BRIP1: variants seen among roughly 807,000 people sequenced by gnomAD.
BRIP1 encodes Fanconi anemia group J protein.
A neutral mutation model predicts 119.7 loss-of-function variants in BRIP1; 88 were observed. The ratio of observed to expected loss-of-function variants is 0.74; its 90% CI spans 0.62 to 0.88. The LOEUF (loss-of-function observed/expected upper bound fraction) is 0.88. Ranked by LOEUF, BRIP1 falls within the 40% of genes least tolerant of loss-of-function variation. BRIP1 has a pLI of 0.00. For synonymous variants in BRIP1, 443 were observed against 496.5 expected (o/e 0.89, Z 1.43); for missense variants, 1,259 against 1,455.4 (o/e 0.87, Z 2.20).
chr17:61,683,025 A>G lies in BRIP1; in HGVS notation c.*271T>C, dbSNP rs1038683081. Reference sequence around the variant, plus strand: ...TGCACACCTGTAGTCCCAGCTACTCAGAAGGCTGAGGCAGGAGAATCACTT... The same window carrying G: ...TGCACACCTGTAGTCCCAGCTACTCGGAAGGCTGAGGCAGGAGAATCACTT... On this transcript the variant is annotated 3_prime_UTR_variant, in exon 20 of 20. Coordinates refer to ENST00000259008, the MANE Select transcript of BRIP1 (RefSeq NM_032043.3). The surrounding 1 kb of genome is among the most constrained non-coding windows in gnomAD (Gnocchi z 4.7). 2.4e-6 allele frequency: 1 copy of G among 410,534 alleles called. No homozygotes were observed. Among genetic ancestry groups the G allele is most frequent in the African/African-American group, 2.0e-5 (1 of 49,056 alleles). The allele number at this position is 410,534 out of a possible 1,614,324, so 25.4% of individuals were successfully genotyped here. A position where few individuals can be genotyped will look rare whatever the true frequency, so the allele number is the denominator to read the frequency against.
intron 4 of BRIP1, among the ~76,000 whole-genome samples, chr17:61,855,310 G>A (rs915726094): frequency 9.9e-5 from 15 of 152,150 alleles, no homozygotes; most frequent in East Asian, 5.8e-4. Context: ...GGGCGTGGTC[G>A]CTCACGCCTA....
intron 4 of BRIP1, among the ~76,000 whole-genome samples, chr17:61,850,835 A>G (rs897480589): frequency 6.6e-6 from 1 of 151,856 alleles, no homozygotes; most frequent in Admixed American, 6.6e-5. Context: ...TCTCCAAAAA[A>G]AAAAGAAAGC....
rs550687585 is a variant in BRIP1 at position 61,776,173 on chromosome 17, C to T, written c.2097+228G>A. The T allele has an allele frequency of 1.8e-5, 9 of 510,174 alleles. No homozygotes were observed. Among genetic ancestry groups the T allele is most frequent in the Admixed American group, 9.8e-5 (3 of 30,624 alleles). 31.6% of individuals were successfully genotyped at this position (510,174 alleles called of 1,614,324 possible). A position where few individuals can be genotyped will look rare whatever the true frequency, so the allele number is the denominator to read the frequency against. On this transcript the variant is annotated intron_variant, in intron 14 of 19. Transcript: ENST00000259008. The surrounding 1 kb of genome is among the most constrained non-coding windows in gnomAD (Gnocchi z 5.0). Reference sequence around the variant, plus strand: ...CTGGGATTACAAGCATGAGCCACCACGTCCAGCCTTGCTCTTTCAGACTTT... The same window carrying T: ...CTGGGATTACAAGCATGAGCCACCATGTCCAGCCTTGCTCTTTCAGACTTT...
rs1603297449 is a variant in BRIP1, at chr17:61,725,260, A to C, written c.2380-9197T>G. Among the ~76,000 whole-genome samples, 2 of 152,198 alleles carry C rather than the reference A, an allele frequency of 1.3e-5. No individual in the cohort carries two copies. The highest frequency in any genetic ancestry group is 2.9e-5 in the Non-Finnish European group (2 of 68,020). On this transcript the variant is annotated intron_variant, in intron 16 of 19. Transcript: ENST00000259008. The surrounding 1 kb of genome is among the most constrained non-coding windows in gnomAD (Gnocchi z 5.3). ...TAAAAGCACATTAGAAATGGTTTTT[A>C]GTTGTTACTTACTTTCCCTGTTACG...
chr17:61,689,407 T>TG lies in BRIP1; in HGVS notation c.2576-3243dup, dbSNP rs2061414431. On this transcript the variant is annotated intron_variant, in intron 18 of 19. Coordinates refer to ENST00000259008, the MANE Select transcript of BRIP1 (RefSeq NM_032043.3). This position sits in a 1 kb window ranked among gnomAD's most constrained non-coding sequence, Gnocchi z 4.5. ...ATGGAAAAAAAAAAGTGAAGGCTTA[T>TG]GGCTTCATTTATGACTTGACTTATG... Among the ~76,000 whole-genome samples the TG allele has an allele frequency of 1.3e-5, 2 of 152,094 alleles. No individual in the cohort carries two copies. Among genetic ancestry groups the TG allele is most frequent in the Admixed American group, 1.3e-4 (2 of 15,268 alleles).
In BRIP1 at chr17:61,693,375, A is replaced by G. The variant is rs1241371636; in HGVS notation, c.2575+55T>C. ...CTCATGTTATGTGTTTTTCACCACA[A>G]TAAAAATATGAAGATTGTTACTAGT... On this transcript the variant is annotated intron_variant, in intron 18 of 19. Transcript: ENST00000259008. This position sits in a 1 kb window ranked among gnomAD's most constrained non-coding sequence, Gnocchi z 4.2. 2.0e-6 allele frequency: 3 copies of G among 1,469,216 alleles called. No individual in the cohort carries two copies. The highest frequency in any genetic ancestry group is 1.4e-5 in the African/African-American group (1 of 71,794). The allele number at this position is 1,469,216 out of a possible 1,614,324, so 91.0% of individuals were successfully genotyped here. A position where few individuals can be genotyped will look rare whatever the true frequency, so the allele number is the denominator to read the frequency against.
Position 61,799,185 on chromosome 17 carries a change from G to T in BRIP1, c.1255C>A (p.Arg419=), listed in dbSNP as rs150624408. 2 of 1,613,484 alleles carry T rather than the reference G, an allele frequency of 1.2e-6. No homozygotes were observed. The highest frequency in any genetic ancestry group is 1.1e-5 in the South Asian group (1 of 91,052). The change falls in exon 9 of 20, where the codon CGG becomes AGG. Residue 419 remains arginine (R), a synonymous_variant. Transcript: ENST00000259008. The surrounding 1 kb of genome is among the most constrained non-coding windows in gnomAD (Gnocchi z 5.1). ...TTGACCATACTATCTAGTTCATCCC[G>T]AGCAAACCGAAGCTGAACTTCTGTT... The part of the protein sequence containing the change: ...SVTEVQLRFA[R]DELDSMVNNN...
In BRIP1 at chr17:61,823,818, C is replaced by G; in HGVS notation, c.628-15061G>C. Among the ~76,000 whole-genome samples the G allele has an allele frequency of 6.7e-6, 1 of 149,842 alleles. No individual in the cohort carries two copies. Among genetic ancestry groups the G allele is most frequent in the East Asian group, 2.0e-4 (1 of 4,958 alleles). On this transcript the variant is annotated intron_variant, in intron 6 of 19. Transcript: ENST00000259008. This position sits in a 1 kb window ranked among gnomAD's most constrained non-coding sequence, Gnocchi z 4.8. The stretch of plus-strand genomic sequence containing the variant: ...CACACCTTAGTTGAATTGCTGAAAG[C>G]AGAGATAAAAATAGAATTTTTTTTT...
At chr17:61,854,839 G>A (rs548768583) in intron 4 of BRIP1, among the ~76,000 whole-genome samples, 1 of 152,110 alleles carries the variant, frequency 6.6e-6, no homozygotes, top group Admixed American at 6.5e-5. Context: ...CACAGTATCT[G>A]TCTTTGTAAT....
intron 2 of BRIP1, 61 bp from the exon 3 acceptor site, chr17:61,859,968 A>T (rs1317730646): frequency 1.3e-5 from 15 of 1,185,498 alleles, no homozygotes; most frequent in Non-Finnish European, 1.8e-5. Context: ...GTCTCTCTCC[A>T]TCTGAAGTTT....
intron 9 of BRIP1, among the ~76,000 whole-genome samples, chr17:61,797,633 A>G (rs2077921860): frequency 6.6e-6 from 1 of 152,088 alleles, no homozygotes; most frequent in African/African-American, 2.4e-5. Context: ...AAACACCACC[A>G]GAAAAGACAC....
In BRIP1 at chr17:61,685,753, A is replaced by T. The variant is rs4988357; in HGVS notation, c.2905+83T>A. 0.34 allele frequency: 420,804 copies of T among 1,235,928 alleles called. 73,583 individuals carry two copies. Among genetic ancestry groups the T allele is most frequent in the East Asian group, 0.47 (20,158 of 42,860 alleles). The allele number at this position is 1,235,928 out of a possible 1,614,324, so 76.6% of individuals were successfully genotyped here. On this transcript the variant is annotated intron_variant, in intron 19 of 19. Transcript: ENST00000259008. ...TACAAACCACCATATTTAAGGAATT[A>T]ATCTATACCCAAATAAATATCATTT... is the stretch of plus-strand genomic sequence containing the variant.
chr17:61,683,682 C>G lies in BRIP1; in HGVS notation c.3364G>C (p.Glu1122Gln). 1 of 1,613,806 alleles carries G rather than the reference C, an allele frequency of 6.2e-7. No homozygotes were observed. Among genetic ancestry groups the G allele is most frequent in the Non-Finnish European group, 8.5e-7 (1 of 1,180,002 alleles). Residue 1122 changes from glutamate (E) to glutamine (Q), a missense_variant, in exon 20 of 20, where the codon GAA becomes CAA. Transcript: ENST00000259008. This position sits in a 1 kb window ranked among gnomAD's most constrained non-coding sequence, Gnocchi z 4.7. Reference sequence around the variant, plus strand: ...ATAGATTCATCTTCTGCTTCTGTTTCAAAATCTCTATTTGAAGTGGACTGT... The same window carrying G: ...ATAGATTCATCTTCTGCTTCTGTTTGAAAATCTCTATTTGAAGTGGACTGT... ...DKQSTSNRDF[E>Q]TEAEDESIYF...
At position 61,743,050 on chromosome 17, in the gene BRIP1, G is replaced by A. The variant is rs1555590382; in HGVS notation, c.2342C>T (p.Thr781Ile). Residue 781 changes from threonine to isoleucine, a missense_variant, in exon 16 of 20, where the codon ACA becomes ATA. Physicochemically the swap from Thr to Ile is moderately conservative, Grantham distance 89 (BLOSUM62 -1). Around this residue, in one of 3 missense-constraint regions of BRIP1, gnomAD observed 753 missense variants for 891.8 expected, o/e 0.84. Coordinates refer to ENST00000259008, the MANE Select transcript of BRIP1 (RefSeq NM_032043.3). The surrounding 1 kb of genome is among the most constrained non-coding windows in gnomAD (Gnocchi z 4.3). ...FSDDNARAVITIGIPFPNVKD... is the reference protein window; with the variant it reads ...FSDDNARAVIIIGIPFPNVKD... The stretch of plus-strand genomic sequence containing the variant: ...CACATTTGGAAAAGGAATTCCTATT[G>A]TTATGACAGCACGGGCATTGTCATC... 1 of 1,613,946 alleles carries A rather than the reference G, an allele frequency of 6.2e-7. No individual in the cohort carries two copies. Among genetic ancestry groups the A allele is most frequent in the Non-Finnish European group, 8.5e-7 (1 of 1,179,898 alleles).
chr17:61,793,802 C>T lies in BRIP1; in HGVS notation c.1341-73G>A, dbSNP rs905314292. 29 of 1,478,076 alleles carry T rather than the reference C, an allele frequency of 2.0e-5. No homozygotes were observed. The African/African-American group carries it at 3.6e-4, about 18-fold the overall frequency. 91.6% of individuals were successfully genotyped at this position (1,478,076 alleles called of 1,614,324 possible). A position where few individuals can be genotyped will look rare whatever the true frequency, so the allele number is the denominator to read the frequency against. Reference sequence around the variant, plus strand: ...CACTATTTCAGCAGAACAAGAGAATCATCATTATTGTCATGCGTTGATCTG... The same window carrying T: ...CACTATTTCAGCAGAACAAGAGAATTATCATTATTGTCATGCGTTGATCTG... On this transcript the variant is annotated intron_variant, in intron 9 of 19. Coordinates refer to ENST00000259008, the MANE Select transcript of BRIP1 (RefSeq NM_032043.3). This position sits in a 1 kb window ranked among gnomAD's most constrained non-coding sequence, Gnocchi z 5.2.
rs1381777648 is a variant in BRIP1, at chr17:61,684,171, T to C, written c.2906-31A>G. 5.0e-6 allele frequency: 8 copies of C among 1,607,794 alleles called. No homozygotes were observed. The highest frequency in any genetic ancestry group is 1.3e-5 in the African/African-American group (1 of 74,716). On this transcript the variant is annotated intron_variant, in intron 19 of 19. Transcript: ENST00000259008. The surrounding 1 kb of genome is among the most constrained non-coding windows in gnomAD (Gnocchi z 4.5). The stretch of plus-strand genomic sequence containing the variant: ...AATACAAGAATTTAAGAGATTTAAC[T>C]TTCTGCTCCTAGCTAACATAATTGC...
chr17:61,811,208 CT>C (rs1194872665), intron 6 of BRIP1, among the ~76,000 whole-genome samples: 1 of 151,878 alleles, frequency 6.6e-6, no homozygotes, highest in Non-Finnish European at 1.5e-5. Flanking sequence ...AGATGGTTTT[CT>C]TTTTTTGTTT....
rs1335156504 is a variant in BRIP1 at position 61,751,084 on chromosome 17, CAA to C, written c.2098-6495_2098-6494del. 2.0e-5 allele frequency among the ~76,000 whole-genome samples: 3 copies of C among 152,254 alleles called. No individual in the cohort carries two copies. In the East Asian group the frequency reaches 5.8e-4, roughly 29 times the overall value. ...CAATAACCAAATAGTGGAAACAACTCAAGTGTCAATCAACAGATGAATAAACA... is the reference window on the plus strand; with the variant it reads ...CAATAACCAAATAGTGGAAACAACTCGTGTCAATCAACAGATGAATAAACA... On this transcript the variant is annotated intron_variant, in intron 14 of 19. Coordinates refer to ENST00000259008, the MANE Select transcript of BRIP1 (RefSeq NM_032043.3). This position sits in a 1 kb window ranked among gnomAD's most constrained non-coding sequence, Gnocchi z 6.7.
At position 61,799,375 on chromosome 17, in the gene BRIP1, T is replaced by A; in HGVS notation, c.1141-76A>T. Reference sequence around the variant, plus strand: ...CAACAGCAGGCAAGATATTTCATTTTAAAATTCACACTATAGGCCAATATT... The same window carrying A: ...CAACAGCAGGCAAGATATTTCATTTAAAAATTCACACTATAGGCCAATATT... On this transcript the variant is annotated intron_variant, in intron 8 of 19. Coordinates refer to ENST00000259008, the MANE Select transcript of BRIP1 (RefSeq NM_032043.3). The surrounding 1 kb of genome is among the most constrained non-coding windows in gnomAD (Gnocchi z 5.1). 1 of 1,179,510 alleles carries A rather than the reference T, an allele frequency of 8.5e-7. No homozygotes were observed. The highest frequency in any genetic ancestry group is 1.2e-6 in the Non-Finnish European group (1 of 812,664). The allele number at this position is 1,179,510 out of a possible 1,614,324, so 73.1% of individuals were successfully genotyped here. A position where few individuals can be genotyped will look rare whatever the true frequency, so the allele number is the denominator to read the frequency against.
Sources: gnomAD v4.1 joint callset for allele counts (sites outside exome capture counted in the v4.1 genomes callset) on GRCh38, gnomAD v4.1.1 for gene constraint, gnomAD v4.1.1 regional missense constraint, Gnocchi (gnomAD v3.1) non-coding constraint, MANE v1.5 for transcripts, NCBI Gene and HGNC (gene_info 2026-07-23, HGNC 2026-07-21) for gene names.